TRAPPC2L: variants seen among roughly 807,000 people sequenced by gnomAD.
TRAPPC2L encodes trafficking protein particle complex subunit 2L, also known as trafficking protein particle complex subunit 2-like protein.
A neutral mutation model predicts 13.2 loss-of-function variants in TRAPPC2L; 17 were observed. The observed-to-expected ratio is 1.29, with a 90% confidence interval of 0.88 to 1.93. The LOEUF is 1.93. TRAPPC2L is among the 30% of genes most tolerant of loss of function. The probability of loss-of-function intolerance (pLI) is 0.00; values close to 1 mark genes in which losing one functional copy is unlikely to be tolerated. For missense variants in TRAPPC2L, 359 were observed against 252.1 expected (o/e 1.42, Z -2.87); for synonymous variants, 150 against 98.1 (o/e 1.53, Z -3.12).
At chr16:88,857,704 C>G (rs1597619462) in intron 1 of TRAPPC2L, among the ~76,000 whole-genome samples, 1 of 152,252 alleles carries the variant, frequency 6.6e-6, no homozygotes, top group African/African-American at 2.4e-5. Context: ...TCCGCTCCAA[C>G]CAAACAATTC....
At chr16:88,859,907 A>G (rs1246178020) in exon 4 of TRAPPC2L, 1 of 1,555,488 alleles carries the variant, frequency 6.4e-7, no homozygotes, top group Non-Finnish European at 8.7e-7. Context: ...TCCGGAAGCT[A>G]CACAACTCCT....
chr16:88,856,818 C>A (rs1356140687), upstream of TRAPPC2L: 2 of 1,533,380 alleles, frequency 1.3e-6, no homozygotes, highest in East Asian at 5.1e-5. Context: ...CCCCCATCCC[C>A]GCGGCGCTGA....
At position 88,857,479 on chromosome 16, in the gene TRAPPC2L, C is replaced by T. The variant is rs906777394; in HGVS notation, c.33+296C>T. On this transcript the variant is annotated intron_variant, in intron 1 of 3. Coordinates refer to ENST00000565504, the Ensembl canonical transcript of TRAPPC2L. The stretch of plus-strand genomic sequence containing the variant: ...GGTCCCGGGCACTACCTCCGTCCTC[C>T]GTCCTCAGCAGGTTCTGCCCGTTCT... The T allele has an allele frequency of 7.4e-6, 3 of 406,594 alleles. No individual in the cohort carries two copies. The East Asian group carries it at 1.2e-4, about 16-fold the overall frequency. 25.2% of individuals were successfully genotyped at this position (406,594 alleles called of 1,614,324 possible).
At chr16:88,862,535 G>C (rs1036647338) in exon 4 of TRAPPC2L, 1 of 152,366 alleles carries the variant, frequency 6.6e-6, no homozygotes, top group African/African-American at 2.4e-5. Context: ...GGACAGTGGA[G>C]CAGAACACAG....
chr16:88,859,713 C>G lies in TRAPPC2L; in HGVS notation c.257C>G (p.Ser86Cys), dbSNP rs114296684. The change falls in exon 3 of 4, where the codon TCC becomes TGC. Residue 86 changes from serine to cysteine, a missense_variant. Transcript: ENST00000565504. ...GTGAAGTTTGTCATGGTGGTAGATT[C>G]CTCCAACACAGCCCTTCGAGACAAC... 6 of 1,613,934 alleles carry G rather than the reference C, an allele frequency of 3.7e-6. No individual in the cohort carries two copies. The highest frequency in any genetic ancestry group is 5.1e-6 in the Non-Finnish European group (6 of 1,180,042).
intron 1 of TRAPPC2L, 22 bp downstream of exon 1, chr16:88,857,205 C>T (rs781378680): frequency 1.9e-6 from 3 of 1,546,248 alleles, no homozygotes; most frequent in African/African-American, 2.8e-5. Context: ...CGGCGTGGGG[C>T]GTCCGGGCTC....
At chr16:88,861,641 G>A (rs1567560096) in exon 4 of TRAPPC2L, 2 of 498,746 alleles carry the variant, frequency 4.0e-6, no homozygotes, top group Non-Finnish European at 8.2e-6. Flanking sequence ...TGATGACGTG[G>A]CTGACTACCA....
intron 1 of TRAPPC2L, 88 bp downstream of exon 1, chr16:88,857,271 C>T (rs899893431): frequency 1.6e-6 from 2 of 1,272,502 alleles, no homozygotes; most frequent in Non-Finnish European, 2.1e-6. Context: ...TTAGAAGGCA[C>T]CTTAGGAAAT....
exon 4 of TRAPPC2L, chr16:88,861,184 T>A (rs1194896553): frequency 2.5e-5 from 14 of 571,282 alleles, no homozygotes; most frequent in Non-Finnish European, 3.1e-6. Context: ...TTTTCTGGGG[T>A]GTGGGCAGAG....
chr16:88,860,037 C>T (rs1020612349), exon 4 of TRAPPC2L: 32 of 1,395,590 alleles, frequency 2.3e-5, no homozygotes, highest in Non-Finnish European at 2.7e-5. Context: ...ATTTTGGTTG[C>T]CAAAATGCAA....
rs142827529 is a variant in TRAPPC2L, at chr16:88,859,184, C to T, written c.206+393C>T. ...TTATGTCACTAGACACTCGTCTAGT[C>T]CCTTGGGACAAATCACTTGAGGCCA... is the stretch of plus-strand genomic sequence containing the variant. On this transcript the variant is annotated intron_variant, in intron 2 of 3. Coordinates refer to ENST00000565504, the Ensembl canonical transcript of TRAPPC2L. 365 of 473,334 alleles carry T rather than the reference C, an allele frequency of 7.7e-4. 1 individual carries two copies. The highest frequency in any genetic ancestry group is 6.5e-3 in the African/African-American group (334 of 51,428). The allele number at this position is 473,334 out of a possible 1,614,324, so 29.3% of individuals were successfully genotyped here. A position where few individuals can be genotyped will look rare whatever the true frequency, so the allele number is the denominator to read the frequency against.
chr16:88,856,991 G>C (rs1967959491), upstream of TRAPPC2L: 6 of 1,388,790 alleles, frequency 4.3e-6, no homozygotes, highest in East Asian at 1.8e-4. Context: ...CTCGCGGGGC[G>C]GGGCCAGAGT....
chr16:88,860,198 G>T, exon 4 of TRAPPC2L: 1 of 708,074 alleles, frequency 1.4e-6, no homozygotes, highest in Non-Finnish European at 2.6e-6. Flanking sequence ...GTGTGGTGTG[G>T]GGAGTAGAGC....
At chr16:88,856,935 G>C (rs1244075467), upstream of TRAPPC2L, 1 of 1,466,490 alleles carries the variant, frequency 6.8e-7, no homozygotes, top group Non-Finnish European at 8.9e-7. Flanking sequence ...AGCGTCCGCC[G>C]GCCCTTCCGG....
chr16:88,857,158 T>G (rs865778580), exon 1 of TRAPPC2L: 1 of 1,582,050 alleles, frequency 6.3e-7, no homozygotes, highest in African/African-American at 1.4e-5. Context: ...AAGATGGCGG[T>G]GTGCATCGCG....
exon 4 of TRAPPC2L, chr16:88,860,177 G>A: frequency 1.4e-6 from 1 of 711,600 alleles, no homozygotes; most frequent in Non-Finnish European, 2.5e-6. Flanking sequence ...CGCATAAAGT[G>A]GATAGAGTGT....
In TRAPPC2L at chr16:88,861,176, T is replaced by C. The variant is rs973334509; in HGVS notation, c.*852T>C. ...TTAAGAAGAATTCAACTAAGGACTT[T>C]TCTGGGGTGTGGGCAGAGGTTTGGG... On this transcript the variant is annotated 3_prime_UTR_variant, in exon 4 of 4. Coordinates refer to ENST00000565504, the Ensembl canonical transcript of TRAPPC2L. 8.7e-6 allele frequency: 5 copies of C among 577,616 alleles called. No individual in the cohort carries two copies. In the African/African-American group the frequency reaches 9.4e-5, roughly 11 times the overall value. The allele number at this position is 577,616 out of a possible 1,614,324, so 35.8% of individuals were successfully genotyped here.
chr16:88,856,281 C>T (rs1051764355), upstream of TRAPPC2L: 3 of 703,014 alleles, frequency 4.3e-6, no homozygotes, highest in Non-Finnish European at 7.8e-6. Flanking sequence ...ACCCGGCGGC[C>T]CGAGGTGGCG....
exon 4 of TRAPPC2L, chr16:88,861,140 C>G: frequency 1.6e-6 from 1 of 627,010 alleles, no homozygotes. Context: ...CCGTGTCAGC[C>G]AAGGATTTAA....
Sources: gnomAD v4.1 joint callset for allele counts (sites outside exome capture counted in the v4.1 genomes callset) on GRCh38, gnomAD v4.1.1 for gene constraint, MANE v1.5 for transcripts, NCBI Gene and HGNC (gene_info 2026-07-23, HGNC 2026-07-21) for gene names.